DIAPH2: variants seen among roughly 807,000 people sequenced by gnomAD.
DIAPH2 encodes the protein protein diaphanous homolog 2.
In DIAPH2, 35 loss-of-function variants were observed where a neutral mutation model predicts 92.7. The ratio of observed to expected loss-of-function variants is 0.38; its 90% CI spans 0.29 to 0.50. The LOEUF (loss-of-function observed/expected upper bound fraction) is 0.50, where lower values mean the gene tolerates loss of function less well. Among genes scored for constraint, DIAPH2 ranks in the 20% least tolerant of loss-of-function variants. DIAPH2 has a pLI of 0.94. For synonymous variants in DIAPH2, 301 were observed against 280.4 expected, an observed-to-expected ratio of 1.07 and a Z score of -0.73; for missense variants, 701 against 819.5, an observed-to-expected ratio of 0.86 and a Z score of 1.77.
intron 26 of DIAPH2, among the ~76,000 whole-genome samples, chrX:97,445,207 G>A (rs2070296579): frequency 9.0e-6 from 1 of 111,140 alleles, no homozygotes; most frequent in African/African-American, 3.3e-5. Flanking sequence ...CCTGGCAGAG[G>A]AAGATGCAAA....
chrX:97,354,870 GTC>G (rs2069250579), intron 24 of DIAPH2, among the ~76,000 whole-genome samples: 1 of 112,272 alleles, frequency 8.9e-6, no homozygotes, highest in African/African-American at 3.2e-5. Context: ...GAGGAACTGT[GTC>G]TCTCAGAACA....
intron 22 of DIAPH2, among the ~76,000 whole-genome samples, chrX:97,187,281 C>CTTTTTTTTTTT (rs763781923): frequency 0.016 from 608 of 36,881 alleles, 199 homozygotes; most frequent in East Asian, 0.069. Flanking sequence ...ATTAAGTAGC[C>CTTTTTTTTTTT]TTTTTTTTTT....
At chrX:96,845,255 T>C (rs1046799313) in intron 4 of DIAPH2, among the ~76,000 whole-genome samples, 1 of 112,049 alleles carries the variant, frequency 8.9e-6, no homozygotes, top group Non-Finnish European at 1.9e-5. Flanking sequence ...TATTGTTTAC[T>C]AGTTCATGAC....
At chrX:97,570,109 T>TTAGAAG (rs1569426182) in intron 26 of DIAPH2, among the ~76,000 whole-genome samples, 2 of 32,640 alleles carry the variant, frequency 6.1e-5, no homozygotes, top group African/African-American at 1.9e-4. Flanking sequence ...TATATATATA[T>TTAGAAG]ATATATATAT....
intron 4 of DIAPH2, among the ~76,000 whole-genome samples, chrX:96,879,791 G>A (rs1246670254): frequency 2.7e-5 from 3 of 109,860 alleles, no homozygotes; most frequent in East Asian, 2.9e-4. Flanking sequence ...GTGCTGTGGC[G>A]GGATCTCAGC....
At chrX:96,850,363 T>C (rs1225800405) in intron 4 of DIAPH2, among the ~76,000 whole-genome samples, 1 of 112,432 alleles carries the variant, frequency 8.9e-6, no homozygotes, top group African/African-American at 3.2e-5. Context: ...AAGTGTCTTA[T>C]GTGTCTTAAT....
intron 26 of DIAPH2, among the ~76,000 whole-genome samples, chrX:97,570,134 A>ATAGG (rs2071360331): frequency 2.4e-5 from 1 of 41,170 alleles, no homozygotes; most frequent in African/African-American, 5.9e-5. Flanking sequence ...TAGAAGATAG[A>ATAGG]TAGATAGATA....
chrX:96,824,485 A>T (rs979764605), intron 4 of DIAPH2, among the ~76,000 whole-genome samples: 1 of 103,313 alleles, frequency 9.7e-6, no homozygotes, highest in Non-Finnish European at 2.0e-5. Flanking sequence ...CTAAGCTCTT[A>T]AAAAAAAAAA....
At chrX:97,476,871 G>A (rs2070608368) in intron 26 of DIAPH2, among the ~76,000 whole-genome samples, 1 of 99,913 alleles carries the variant, frequency 1.0e-5, no homozygotes, top group Admixed American at 1.1e-4. Flanking sequence ...TTGAAGCCGG[G>A]AGGTGGAGGT....
At chrX:97,092,518 A>G (rs1019322143) in intron 19 of DIAPH2, among the ~76,000 whole-genome samples, 2 of 112,608 alleles carry the variant, frequency 1.8e-5, no homozygotes, top group African/African-American at 3.2e-5. Flanking sequence ...GGTATTATGG[A>G]TGCTCCATTT....
chrX:97,565,795 T>C (rs1274085107), intron 26 of DIAPH2, among the ~76,000 whole-genome samples: 2 of 112,104 alleles, frequency 1.8e-5, no homozygotes, highest in Non-Finnish European at 1.9e-5. Context: ...CCTAAGTTTT[T>C]AGAGATACAA....
At chrX:97,277,311 C>G (rs1227559743) in intron 23 of DIAPH2, among the ~76,000 whole-genome samples, 1 of 110,820 alleles carries the variant, frequency 9.0e-6, no homozygotes, top group African/African-American at 3.3e-5. Flanking sequence ...ACACTCCAGC[C>G]TGGGCGACAG....
At position 97,604,266 on chromosome X, in the gene DIAPH2, G is replaced by A. The variant is rs1199732100; in HGVS notation, c.*4949G>A. The A allele has an allele frequency of 9.0e-6, 1 of 111,723 alleles. No individual in the cohort carries two copies. Among genetic ancestry groups the A allele is most frequent in the African/African-American group, 3.3e-5 (1 of 30,589 alleles). 9.2% of individuals were successfully genotyped at this position (111,723 alleles called of 1,213,427 possible). On this transcript the variant is annotated 3_prime_UTR_variant, in exon 27 of 27. Transcript: ENST00000324765. ...CTCTCTTATAAGGACACTTGTGACG[G>A]GACTTAGGGCCCATCCAGATTACCC...
At chrX:96,695,510 C>T (rs2063820801) in intron 1 of DIAPH2, among the ~76,000 whole-genome samples, 1 of 111,611 alleles carries the variant, frequency 9.0e-6, no homozygotes, top group Non-Finnish European at 1.9e-5. Flanking sequence ...TGGTCTGGGA[C>T]AAAATACTAG....
intron 13 of DIAPH2, among the ~76,000 whole-genome samples, chrX:96,945,040 C>T (rs376836646): frequency 2.7e-5 from 3 of 111,242 alleles, no homozygotes; most frequent in East Asian, 5.6e-4. Flanking sequence ...GTACATGATA[C>T]ATTTTGCCCC....
chrX:96,922,624 C>T (rs751575551), intron 9 of DIAPH2, among the ~76,000 whole-genome samples: 42 of 111,671 alleles, frequency 3.8e-4, no homozygotes, highest in Non-Finnish European at 6.2e-4. Flanking sequence ...GCTCATGACC[C>T]ATTGCTAACT....
intron 26 of DIAPH2, among the ~76,000 whole-genome samples, chrX:97,515,904 G>T (rs962641113): frequency 3.6e-5 from 4 of 111,055 alleles, no homozygotes; most frequent in Non-Finnish European, 1.9e-5. Flanking sequence ...CTGAAAAGCT[G>T]GTAGATTAGT....
At chrX:96,906,121 C>T (rs1349216889) in intron 5 of DIAPH2, among the ~76,000 whole-genome samples, 2 of 111,816 alleles carry the variant, frequency 1.8e-5, no homozygotes, top group African/African-American at 6.5e-5. Flanking sequence ...AGCGAGACTC[C>T]GTCTCAAAAA....
chrX:96,902,950 C>A (rs1371534225), intron 5 of DIAPH2, among the ~76,000 whole-genome samples: 5 of 111,341 alleles, frequency 4.5e-5, no homozygotes, highest in Non-Finnish European at 5.7e-5. Context: ...TTATCTTGTG[C>A]TAAAAATGTC....
Sources: allele counts gnomAD v4.1 joint callset (sites outside exome capture counted in the v4.1 genomes callset), GRCh38; gene constraint gnomAD v4.1.1; transcripts MANE v1.5; gene names NCBI Gene and HGNC (gene_info 2026-07-23, HGNC 2026-07-21).